Variants in RASSF6 observed in about 807,000 individuals in gnomAD.
RASSF6 encodes Ras association domain family member 6, also known as ras association domain-containing protein 6.
A neutral mutation model predicts 44.0 loss-of-function variants in RASSF6; 52 were observed. The ratio of observed to expected loss-of-function variants is 1.18; its 90% confidence interval spans 0.95 to 1.49. The LOEUF is 1.49. RASSF6 is among the 40% of genes most tolerant of loss of function. The pLI is 0.00. For synonymous variants in RASSF6, 162 were observed against 124.6 expected (o/e 1.30, Z -2.00); for missense variants, 464 against 393.3 (o/e 1.18, Z -1.52).
chr4:73,604,139 A>G (rs1443935689), intron 2 of RASSF6: 1 of 152,156 alleles, frequency 6.6e-6, no homozygotes, highest in Admixed American at 6.5e-5. Context: ...TGCTTCTTGG[A>G]GACTTGCTGA....
At position 73,593,461 on chromosome 4, in the gene RASSF6, A is replaced by G. The variant is rs1354679166; in HGVS notation, c.277T>C (p.Ser93Pro). The stretch of plus-strand genomic sequence containing the variant: ...TGAAAGATAGCTTACCCTTTGCTGG[A>G]GAAGACGTCTGATGACTTCATACTA... ...FTSMKSSDVF[S>P]SKGMTRWGEF... is the part of the protein sequence containing the mutation. Residue 93 changes from serine (S) to proline (P), a missense_variant, in exon 4 of 11, where the codon TCC (serine) becomes CCC (proline). Ser to Pro is a moderately conservative substitution (Grantham distance 74). Coordinates refer to ENST00000307439, the MANE Select transcript of RASSF6 (RefSeq NM_177532.5). 1 of 1,603,724 alleles carries G rather than the reference A, an allele frequency of 6.2e-7. No individual in the cohort carries two copies. Among genetic ancestry groups the G allele is most frequent in the Non-Finnish European group, 8.5e-7 (1 of 1,176,786 alleles).
chr4:73,582,414 TG>T, intron 6 of RASSF6, 124 bp from the exon 7 acceptor site: 1 of 454,924 alleles, frequency 2.2e-6, no homozygotes, highest in Non-Finnish European at 3.9e-6. Flanking sequence ...AAATTTGTTT[TG>T]TTTTTGTTTG....
At chr4:73,588,515 C>G (rs1222607450) in intron 4 of RASSF6, among the ~76,000 whole-genome samples, 1 of 151,960 alleles carries the variant, frequency 6.6e-6, no homozygotes, top group African/African-American at 2.4e-5. Context: ...CATTCTAGTG[C>G]TCAGAATACA....
intron 2 of RASSF6, among the ~76,000 whole-genome samples, chr4:73,602,518 T>C (rs983746298): frequency 2.0e-5 from 3 of 152,182 alleles, no homozygotes; most frequent in African/African-American, 7.2e-5. Context: ...CCCTAATCAA[T>C]AAGAGGAGCC....
intron 2 of RASSF6, among the ~76,000 whole-genome samples, chr4:73,611,269 T>C (rs1725990234): frequency 6.6e-6 from 1 of 152,180 alleles, no homozygotes; most frequent in Non-Finnish European, 1.5e-5. Context: ...TGAGATACTG[T>C]TTGCTGCGTA....
intron 2 of RASSF6, among the ~76,000 whole-genome samples, chr4:73,603,477 G>C (rs75411582): frequency 6.6e-6 from 1 of 152,040 alleles, no homozygotes; most frequent in Admixed American, 6.5e-5. Flanking sequence ...CCTTGGTGGG[G>C]GGCAGGTCAG....
intron 1 of RASSF6, among the ~76,000 whole-genome samples, chr4:73,616,615 G>A (rs1726382031): frequency 6.6e-6 from 1 of 151,962 alleles, no homozygotes. Context: ...TATTTTGTAT[G>A]TACTGTCTAA....
At chr4:73,596,770 C>T (rs576602434) in intron 3 of RASSF6, among the ~76,000 whole-genome samples, 7 of 152,232 alleles carry the variant, frequency 4.6e-5, no homozygotes, top group African/African-American at 1.7e-4. Flanking sequence ...GGTACGAGAA[C>T]AGACACACAG....
At chr4:73,619,790 AT>A (rs35639450) in intron 1 of RASSF6, among the ~76,000 whole-genome samples, 35 of 148,904 alleles carry the variant, frequency 2.4e-4, no homozygotes, top group South Asian at 1.1e-3. Context: ...TTGAAAATTC[AT>A]TTTTTTTTTG....
At chr4:73,580,646 T>G (rs900283943) in intron 8 of RASSF6, among the ~76,000 whole-genome samples, 1 of 149,348 alleles carries the variant, frequency 6.7e-6, no homozygotes, top group Non-Finnish European at 1.5e-5. Flanking sequence ...TTTTTTCATG[T>G]GTTTTTTGGC....
chr4:73,581,905 G>A (rs768901790), intron 7 of RASSF6, 37 bp from the exon 8 acceptor site: 14 of 1,529,732 alleles, frequency 9.2e-6, no homozygotes, highest in African/African-American at 1.4e-5. Flanking sequence ...TAAATTCTTT[G>A]TTGTTATATG....
chr4:73,620,238 G>T, intron 1 of RASSF6, 50 bp downstream of exon 1: 1 of 1,232,930 alleles, frequency 8.1e-7, no homozygotes, highest in Non-Finnish European at 1.1e-6. Flanking sequence ...CCCTCAACAT[G>T]ACCCCAGGGA....
intron 4 of RASSF6, among the ~76,000 whole-genome samples, chr4:73,588,890 T>C (rs557710511): frequency 6.6e-6 from 1 of 152,118 alleles, no homozygotes; most frequent in African/African-American, 2.4e-5. Context: ...CCTGGATCTC[T>C]CTAGGCAAAT....
intron 8 of RASSF6, among the ~76,000 whole-genome samples, chr4:73,581,136 C>A (rs547698173): frequency 1.3e-5 from 2 of 152,068 alleles, no homozygotes; most frequent in African/African-American, 4.8e-5. Flanking sequence ...TTATTTTATT[C>A]TAATAAATTT....
intron 4 of RASSF6, among the ~76,000 whole-genome samples, chr4:73,593,140 C>T (rs957150133): frequency 1.8e-4 from 27 of 151,858 alleles, no homozygotes; most frequent in Non-Finnish European, 3.5e-4. Flanking sequence ...CTCAGCCTCC[C>T]GAGTAGCTGG....
chr4:73,577,849 C>T (rs1054545471), intron 8 of RASSF6, among the ~76,000 whole-genome samples: 25 of 152,060 alleles, frequency 1.6e-4, no homozygotes, highest in African/African-American at 6.0e-4. Flanking sequence ...ATGCATATTC[C>T]TAGAGTTGTC....
intron 1 of RASSF6, among the ~76,000 whole-genome samples, chr4:73,618,178 T>G (rs1726478888): frequency 6.6e-6 from 1 of 152,162 alleles, no homozygotes; most frequent in Non-Finnish European, 1.5e-5. Context: ...CTCTTTTCTC[T>G]CTTTCTCTCT....
At chr4:73,611,362 C>G (rs1482636183) in intron 2 of RASSF6, among the ~76,000 whole-genome samples, 1 of 152,124 alleles carries the variant, frequency 6.6e-6, no homozygotes, top group South Asian at 2.1e-4. Context: ...TCATGAGGAG[C>G]AAGGGATGGA....
In RASSF6 at chr4:73,611,732, T is replaced by A. The variant is rs555095906; in HGVS notation, c.64A>T (p.Arg22Trp). The stretch of plus-strand genomic sequence containing the variant: ...GTATAATATAAGGTGTGTGGTTACC[T>A]GGTTATGAATGTCTTCTCATTAATG... The part of the protein sequence containing the change: ...IFINEKTFIT[R>W]EQLNSLLKTY... Residue 22 changes from arginine to tryptophan, a missense_variant and splice_region_variant, in exon 2 of 11, where the codon AGG (arginine) becomes TGG (tryptophan). Coordinates refer to ENST00000307439, the MANE Select transcript of RASSF6 (RefSeq NM_177532.5). The A allele has an allele frequency of 2.5e-6, 4 of 1,592,690 alleles. No individual in the cohort carries two copies. The African/African-American group carries it at 5.4e-5, about 21-fold the overall frequency.
Sources: gnomAD v4.1 joint callset for allele counts (sites outside exome capture counted in the v4.1 genomes callset) on GRCh38, gnomAD v4.1.1 for gene constraint, MANE v1.5 for transcripts, NCBI Gene and HGNC (gene_info 2026-07-23, HGNC 2026-07-21) for gene names.